TXLNA: variants seen among roughly 807,000 people sequenced by gnomAD.
TXLNA encodes alpha-taxilin.
TXLNA carries 9 observed loss-of-function variants against 61.4 expected under a neutral mutation model. The observed-to-expected ratio is 0.15, with a 90% CI of 0.09 to 0.26. The LOEUF (loss-of-function observed/expected upper bound fraction) is 0.26. TXLNA is among the 10% of genes least tolerant of loss of function. The pLI is 1.00. For missense variants in TXLNA, 565 were observed against 688.8 expected (o/e 0.82, Z 2.01); for synonymous variants, 257 against 267.7 (o/e 0.96, Z 0.39).
In TXLNA at chr1:32,198,147, C is replaced by A. The variant is rs1009725744; in HGVS notation, c.*2952C>A. 3.3e-5 allele frequency: 5 copies of A among 152,314 alleles called. No homozygotes were observed. Among genetic ancestry groups the A allele is most frequent in the Admixed American group, 2.0e-4 (3 of 15,294 alleles). The allele number at this position is 152,314 out of a possible 1,614,324, so 9.4% of individuals were successfully genotyped here. ...TGCCTTCTGTCCCTGTAACTGCTTT[C>A]CTTATGGCCCAGCCCGGCCACTCAG... is the stretch of plus-strand genomic sequence containing the variant. On this transcript the variant is annotated 3_prime_UTR_variant, in exon 11 of 11. Transcript: ENST00000373610.
In TXLNA at chr1:32,192,780, C is replaced by T; in HGVS notation, c.1158+49C>T. The T allele has an allele frequency of 2.5e-6, 4 of 1,590,978 alleles. No homozygotes were observed. Among genetic ancestry groups the T allele is most frequent in the Non-Finnish European group, 3.5e-6 (4 of 1,159,192 alleles). On this transcript the variant is annotated intron_variant, in intron 8 of 10. Transcript: ENST00000373610. The surrounding 1 kb of genome is among the most constrained non-coding windows in gnomAD (Gnocchi z 4.2). ...GTGCCTTCAAGTTTCCCTCACTGGGCCCCATCCTGGGGGTAGTGAAATGGG... is the reference window on the plus strand; with the variant it reads ...GTGCCTTCAAGTTTCCCTCACTGGGTCCCATCCTGGGGGTAGTGAAATGGG...
intron 3 of TXLNA, among the ~76,000 whole-genome samples, chr1:32,181,808 C>G (rs1403742660): frequency 1.3e-5 from 2 of 152,188 alleles, no homozygotes; most frequent in Non-Finnish European, 2.9e-5. Flanking sequence ...TGGCATGGGA[C>G]CTGTTCTCTC....
In TXLNA at chr1:32,190,199, C is replaced by T; in HGVS notation, c.913C>T (p.Leu305=). 1 of 1,605,736 alleles carries T rather than the reference C, an allele frequency of 6.2e-7. No homozygotes were observed. Among genetic ancestry groups the T allele is most frequent in the Non-Finnish European group, 8.5e-7 (1 of 1,175,914 alleles). ...NSKLRQENME[L]AERLKKLIEQ... is the part of the protein sequence containing the mutation. ...CAAGCTGCGCCAAGAGAACATGGAG[C>T]TGGCTGAGAGGCTCAAGAAGCTGAT... is the stretch of plus-strand genomic sequence containing the variant. Residue 305 remains leucine, a synonymous_variant, in exon 6 of 11, where the codon CTG becomes TTG. Transcript: ENST00000373610.
chr1:32,188,884 G>C (rs1031087619), intron 5 of TXLNA, among the ~76,000 whole-genome samples: 1 of 152,184 alleles, frequency 6.6e-6, no homozygotes, highest in Non-Finnish European at 1.5e-5. Context: ...AGGAACCTGG[G>C]TCCTTCCCAT....
chr1:32,191,489 A>T (rs1285905164), intron 6 of TXLNA, among the ~76,000 whole-genome samples: 1 of 152,096 alleles, frequency 6.6e-6, no homozygotes, highest in African/African-American at 2.4e-5. Flanking sequence ...GCGCTGAGAC[A>T]TAGAGGCTTC....
intron 10 of TXLNA, 55 bp from the exon 11 acceptor site, chr1:32,194,847 T>TGGTAAGTGGGAGGTTGATGGG: frequency 6.5e-7 from 1 of 1,535,960 alleles, no homozygotes; most frequent in Non-Finnish European, 8.8e-7. Context: ...CAAGTGGTGA[T>TGGTAAGTGGGAGGTTGATGGG]GGTAAGTGGG....
chr1:32,184,741 C>A, intron 4 of TXLNA, 125 bp downstream of exon 4: 1 of 608,694 alleles, frequency 1.6e-6, no homozygotes, highest in Non-Finnish European at 2.9e-6. Context: ...TCTGAACTAT[C>A]TGTTAAATGG....
In TXLNA at chr1:32,192,257, C is replaced by T; in HGVS notation, c.964-54C>T. ...GCCCTGGTCTGTGGCTGTGGGGCTA[C>T]CCTGAGAAAGGGAGCGCCTGACAAG... On this transcript the variant is annotated intron_variant, in intron 6 of 10. Transcript: ENST00000373610. The surrounding 1 kb of genome is among the most constrained non-coding windows in gnomAD (Gnocchi z 4.2). 4.4e-6 allele frequency: 7 copies of T among 1,603,074 alleles called. 1 individual carries two copies. In the South Asian group the frequency reaches 6.7e-5, roughly 15 times the overall value.
At chr1:32,184,808 T>C (rs1642745202) in intron 4 of TXLNA, among the ~76,000 whole-genome samples, 192 bp downstream of exon 4, 1 of 152,214 alleles carries the variant, frequency 6.6e-6, no homozygotes, top group Admixed American at 6.5e-5. Flanking sequence ...AAACTGCATA[T>C]TCCTTGAAAG....
In TXLNA at chr1:32,196,583, T is replaced by G. The variant is rs1305168905; in HGVS notation, c.*1388T>G. The G allele has an allele frequency of 6.6e-6, 1 of 152,132 alleles. No individual in the cohort carries two copies. The highest frequency in any genetic ancestry group is 2.4e-5 in the African/African-American group (1 of 41,404). 9.4% of individuals were successfully genotyped at this position (152,132 alleles called of 1,614,324 possible). On this transcript the variant is annotated 3_prime_UTR_variant, in exon 11 of 11. Transcript: ENST00000373610. ...AACTACTATGTACTGTGTAGAGCCA[T>G]TCTATATGCTGAATGTTCTGCTGTT...
intron 3 of TXLNA, 88 bp downstream of exon 3, chr1:32,181,665 C>A: frequency 8.0e-7 from 1 of 1,257,016 alleles, no homozygotes; most frequent in Non-Finnish European, 1.1e-6. Flanking sequence ...TGCCAGGATT[C>A]AAAGGAAAAC....
chr1:32,190,081 G>A lies in TXLNA; in HGVS notation c.795G>A (p.Glu265=), dbSNP rs760380230. ...AAGAAGGTGTGCAGCGGGCCCGGGAGGAGGAGGAGAAGCGCAAGGAGGTGA... is the reference window on the plus strand; with the variant it reads ...AAGAAGGTGTGCAGCGGGCCCGGGAAGAGGAGGAGAAGCGCAAGGAGGTGA... ...LKEEGVQRAR[E]EEEKRKEVTS... The change falls in exon 6 of 11, where the codon GAG becomes GAA. Residue 265 remains glutamate (E), a synonymous_variant. Coordinates refer to ENST00000373610, the MANE Select transcript of TXLNA (RefSeq NM_175852.4). The A allele has an allele frequency of 2.5e-6, 4 of 1,585,196 alleles. No individual in the cohort carries two copies. The highest frequency in any genetic ancestry group is 3.4e-6 in the Non-Finnish European group (4 of 1,165,638).
Position 32,192,774 on chromosome 1 carries a change from A to G in TXLNA, c.1158+43A>G, listed in dbSNP as rs1040042315. The G allele has an allele frequency of 6.2e-7, 1 of 1,601,692 alleles. No homozygotes were observed. The highest frequency in any genetic ancestry group is 1.7e-5 in the Admixed American group (1 of 59,928). ...GACCCTGTGCCTTCAAGTTTCCCTC[A>G]CTGGGCCCCATCCTGGGGGTAGTGA... On this transcript the variant is annotated intron_variant, in intron 8 of 10. Coordinates refer to ENST00000373610, the MANE Select transcript of TXLNA (RefSeq NM_175852.4). The surrounding 1 kb of genome is among the most constrained non-coding windows in gnomAD (Gnocchi z 4.2).
intron 1 of TXLNA, 107 bp from the exon 2 acceptor site, chr1:32,180,207 C>T (rs1010677501): frequency 4.9e-6 from 6 of 1,212,206 alleles, no homozygotes; most frequent in Non-Finnish European, 6.7e-6. Context: ...CCGGGCCTGC[C>T]GGTCCGTTTA....
rs1220436069 is a variant in TXLNA, at chr1:32,198,004, C to G, written c.*2809C>G. ...TGGTGTCCACGGGGGAGGGCCAAGG[C>G]CTGCTGAGCTGATTCTCCAGCTGCT... On this transcript the variant is annotated 3_prime_UTR_variant, in exon 11 of 11. Transcript: ENST00000373610. 1.3e-5 allele frequency: 2 copies of G among 152,458 alleles called. No individual in the cohort carries two copies. The highest frequency in any genetic ancestry group is 1.3e-4 in the Admixed American group (2 of 15,286). The allele number at this position is 152,458 out of a possible 1,614,324, so 9.4% of individuals were successfully genotyped here.
chr1:32,182,399 G>A (rs899804431), intron 3 of TXLNA, among the ~76,000 whole-genome samples: 7 of 152,080 alleles, frequency 4.6e-5, no homozygotes, highest in Non-Finnish European at 8.8e-5. Flanking sequence ...GGTGGCTCAC[G>A]CCTGTAATTG....
chr1:32,193,984 CA>C, intron 9 of TXLNA, 80 bp from the exon 10 acceptor site: 1 of 1,132,952 alleles, frequency 8.8e-7, no homozygotes, highest in South Asian at 1.4e-5. Flanking sequence ...CTTGGAGACA[CA>C]GGTGCAGTCC....
At chr1:32,182,991 C>T (rs190305412) in intron 3 of TXLNA, among the ~76,000 whole-genome samples, 4 of 151,758 alleles carry the variant, frequency 2.6e-5, no homozygotes, top group East Asian at 2.0e-4. Context: ...CACTTGAACC[C>T]GTGAGGCAGA....
intron 1 of TXLNA, 158 bp downstream of exon 1, chr1:32,179,934 G>C (rs1217201354): frequency 6.5e-6 from 1 of 153,582 alleles, no homozygotes; most frequent in East Asian, 1.9e-4. Context: ...AGGGCGCGCG[G>C]GGCGTGGGTG....
Sources: allele counts gnomAD v4.1 joint callset (sites outside exome capture counted in the v4.1 genomes callset), GRCh38; gene constraint gnomAD v4.1.1; non-coding constraint Gnocchi (gnomAD v3.1); transcripts MANE v1.5; gene names NCBI Gene and HGNC (gene_info 2026-07-23, HGNC 2026-07-21).